TRIM62: variants seen among roughly 807,000 people sequenced by gnomAD.
TRIM62 encodes the protein tripartite motif containing 62.
In TRIM62, 39 loss-of-function variants were observed where a neutral mutation model predicts 44.2. The observed-to-expected ratio is 0.88, with a 90% CI of 0.68 to 1.15. The LOEUF (loss-of-function observed/expected upper bound fraction) is 1.15, where lower values mean the gene tolerates loss of function less well. TRIM62 is among the 50% of genes most tolerant of loss of function. The pLI, the probability that TRIM62 is intolerant of heterozygous loss-of-function variation, is 0.00. For missense variants in TRIM62, 544 were observed against 665.5 expected (o/e 0.82, Z 2.01); for synonymous variants, 278 against 292.3 (o/e 0.95, Z 0.50).
chr1:33,172,548 C>T (rs1283769807), intron 1 of TRIM62, among the ~76,000 whole-genome samples: 4 of 151,562 alleles, frequency 2.6e-5, no homozygotes, highest in East Asian at 1.9e-4. Flanking sequence ...CCCATCGGAG[C>T]GGGGGTGGGC....
intron 1 of TRIM62, among the ~76,000 whole-genome samples, chr1:33,176,166 C>T (rs1349141303): frequency 6.6e-6 from 1 of 152,246 alleles, no homozygotes; most frequent in African/African-American, 2.4e-5. Context: ...AGCTGCCTTC[C>T]TGTCCATGCT....
chr1:33,173,201 G>A (rs143343395), intron 1 of TRIM62, among the ~76,000 whole-genome samples: 2 of 152,248 alleles, frequency 1.3e-5, no homozygotes, highest in Non-Finnish European at 2.9e-5. Flanking sequence ...CCCTCCCTGT[G>A]CACTTCTGAG....
intron 2 of TRIM62, among the ~76,000 whole-genome samples, chr1:33,162,468 C>T (rs1645281255): frequency 6.6e-6 from 1 of 152,364 alleles, no homozygotes; most frequent in Middle Eastern, 3.4e-3. Flanking sequence ...TTCTGTCTCC[C>T]TGGCTAGTAA....
At chr1:33,157,879 C>T (rs2124727400) in intron 4 of TRIM62, among the ~76,000 whole-genome samples, 1 of 152,156 alleles carries the variant, frequency 6.6e-6, no homozygotes, top group South Asian at 2.1e-4. Flanking sequence ...GCCTCAGCCT[C>T]TCGAGTAGCT....
intron 1 of TRIM62, chr1:33,176,503 C>A: frequency 1.5e-6 from 1 of 668,992 alleles, no homozygotes; most frequent in Non-Finnish European, 2.8e-6. Context: ...CTGGAGGGGG[C>A]GGCTGAGACT....
Position 33,145,809 on chromosome 1 carries a change from T to C in TRIM62, c.*1368A>G, listed in dbSNP as rs1361330172. On this transcript the variant is annotated 3_prime_UTR_variant, in exon 5 of 5. Coordinates refer to ENST00000291416, the MANE Select transcript of TRIM62 (RefSeq NM_018207.3). ...TCCCGAGTTCTTCACGATTGGATGCTGTGGCAGAAAAACGCAGGTGGGGCT... is the reference window on the plus strand; with the variant it reads ...TCCCGAGTTCTTCACGATTGGATGCCGTGGCAGAAAAACGCAGGTGGGGCT... 1 of 468,468 alleles carries C rather than the reference T, an allele frequency of 2.1e-6. No homozygotes were observed. Among genetic ancestry groups the C allele is most frequent in the South Asian group, 1.6e-5 (1 of 64,194 alleles). 29.0% of individuals were successfully genotyped at this position (468,468 alleles called of 1,614,324 possible).
chr1:33,174,096 A>G (rs934513710), intron 1 of TRIM62, among the ~76,000 whole-genome samples: 2 of 152,176 alleles, frequency 1.3e-5, no homozygotes, highest in African/African-American at 4.8e-5. Flanking sequence ...GGTAGTAAAT[A>G]CATTTATATT....
At chr1:33,176,391 C>T (rs2147989121) in intron 1 of TRIM62, 1 of 685,860 alleles carries the variant, frequency 1.5e-6, no homozygotes, top group African/African-American at 1.8e-5. Flanking sequence ...GTCACTGGAT[C>T]ACCATACCCT....
intron 1 of TRIM62, among the ~76,000 whole-genome samples, chr1:33,174,960 T>TACAC (rs1557762422): frequency 7.1e-6 from 1 of 140,292 alleles, no homozygotes; most frequent in Admixed American, 6.9e-5. Context: ...TATATATATA[T>TACAC]ATATATATAC....
intron 4 of TRIM62, among the ~76,000 whole-genome samples, chr1:33,155,283 G>A (rs1473703822): frequency 6.6e-6 from 1 of 151,892 alleles, no homozygotes; most frequent in Non-Finnish European, 1.5e-5. Context: ...TGTTGGCCAG[G>A]CTGGTCTCGA....
intron 1 of TRIM62, among the ~76,000 whole-genome samples, chr1:33,179,266 C>G (rs1645443336): frequency 1.3e-5 from 2 of 152,234 alleles, no homozygotes. Context: ...CTTGCTCACC[C>G]TCTGATGGGG....
intron 4 of TRIM62, among the ~76,000 whole-genome samples, chr1:33,156,755 C>G (rs1207979800): frequency 6.6e-6 from 1 of 152,224 alleles, no homozygotes; most frequent in Non-Finnish European, 1.5e-5. Flanking sequence ...AGCATCAGTG[C>G]TGAGATAACT....
intron 4 of TRIM62, among the ~76,000 whole-genome samples, chr1:33,155,098 G>T (rs565159051): frequency 3.2e-4 from 45 of 140,338 alleles, no homozygotes; most frequent in African/African-American, 1.1e-3. Context: ...ATCTCAAAAG[G>T]TCTCGCTCTG....
At chr1:33,179,363 G>T (rs1226663666) in intron 1 of TRIM62, among the ~76,000 whole-genome samples, 1 of 152,204 alleles carries the variant, frequency 6.6e-6, no homozygotes, top group African/African-American at 2.4e-5. Context: ...GTGAACATGG[G>T]CCATTTCTCC....
chr1:33,181,473 G>T lies in TRIM62; in HGVS notation c.-41C>A, dbSNP rs777916905. ...AGAGAGGGGGGCCCGAGGGGCAGGG[G>T]GGCGGCTGAGAGAGCGCGGCGCTGT... is the stretch of plus-strand genomic sequence containing the variant. On this transcript the variant is annotated 5_prime_UTR_variant, in exon 1 of 5. Transcript: ENST00000291416. This position sits in a 1 kb window ranked among gnomAD's most constrained non-coding sequence, Gnocchi z 6.5. 1 of 1,540,544 alleles carries T rather than the reference G, an allele frequency of 6.5e-7. No individual in the cohort carries two copies. Among genetic ancestry groups the T allele is most frequent in the East Asian group, 2.4e-5 (1 of 42,286 alleles).
intron 2 of TRIM62, among the ~76,000 whole-genome samples, chr1:33,162,375 T>G (rs1645280269): frequency 1.3e-5 from 2 of 152,248 alleles, no homozygotes; most frequent in African/African-American, 4.8e-5. Context: ...AAGTGACCTC[T>G]TCAGAGATAA....
At chr1:33,178,414 AT>A (rs1278029756) in intron 1 of TRIM62, among the ~76,000 whole-genome samples, 11 of 152,312 alleles carry the variant, frequency 7.2e-5, no homozygotes, top group Admixed American at 7.2e-4. Context: ...TGGGAGGCAG[AT>A]TTCTCTGCCA....
In TRIM62 at chr1:33,158,365, G is replaced by T. The variant is rs769952515; in HGVS notation, c.765C>A (p.Leu255=). ...GGTTGGTCTCATGGATTTTTCCCTT[G>T]AGCCTGGAAGGAGAGCAGGAAAGGG... The part of the protein sequence containing the change: ...LAGVASLSER[L]KGKIHETNLT... The change falls in exon 4 of 5, where the codon CTC becomes CTA. Residue 255 remains leucine (L), a synonymous_variant. Coordinates refer to ENST00000291416, the MANE Select transcript of TRIM62 (RefSeq NM_018207.3). 2 of 1,613,402 alleles carry T rather than the reference G, an allele frequency of 1.2e-6. No individual in the cohort carries two copies. The highest frequency in any genetic ancestry group is 1.1e-5 in the South Asian group (1 of 91,054).
intron 4 of TRIM62, among the ~76,000 whole-genome samples, chr1:33,149,315 G>T (rs182957713): frequency 1.3e-5 from 2 of 152,236 alleles, no homozygotes; most frequent in East Asian, 3.9e-4. Context: ...ACCACGCCTG[G>T]CTAATTTTTT....
Sources: allele counts gnomAD v4.1 joint callset (sites outside exome capture counted in the v4.1 genomes callset), GRCh38; gene constraint gnomAD v4.1.1; non-coding constraint Gnocchi (gnomAD v3.1); transcripts MANE v1.5; gene names NCBI Gene and HGNC (gene_info 2026-07-23, HGNC 2026-07-21).